Variants in PLCXD2 observed in about 807,000 individuals in gnomAD.
PLCXD2 encodes phosphatidylinositol specific phospholipase C X domain containing 2.
Under a neutral mutation model 28.6 loss-of-function variants are expected in PLCXD2, and 21 were observed. The observed-to-expected ratio is 0.73, with a 90% CI of 0.52 to 1.06. The LOEUF (loss-of-function observed/expected upper bound fraction) is 1.06. Among genes scored for constraint, PLCXD2 ranks in the 50% least tolerant of loss-of-function variants. The pLI, the probability that PLCXD2 is intolerant of heterozygous loss-of-function variation, is 0.00. For synonymous variants in PLCXD2, 140 were observed against 150.1 expected, an observed-to-expected ratio of 0.93 and a Z score of 0.49; for missense variants, 369 against 376.7, an observed-to-expected ratio of 0.98 and a Z score of 0.17.
intron 1 of PLCXD2, among the ~76,000 whole-genome samples, chr3:111,694,471 CTT>C (rs61244571): frequency 6.8e-5 from 10 of 146,364 alleles, no homozygotes; most frequent in Admixed American, 6.9e-5. Context: ...TTGAAGAGAG[CTT>C]TTTTTTTTTT....
Position 111,675,067 on chromosome 3 carries a change from G to A in PLCXD2, c.-179G>A, listed in dbSNP as rs1940598574. On this transcript the variant is annotated 5_prime_UTR_variant, in exon 1 of 5. Transcript: ENST00000477665. ...GAGCGGAGGCTGGGCCGGAGAGAGT[G>A]GGGACTGTGAGTGCTAGTGGGTAAG... 1.9e-5 allele frequency: 12 copies of A among 642,820 alleles called. No individual in the cohort carries two copies. The highest frequency in any genetic ancestry group is 2.4e-5 in the Non-Finnish European group (9 of 374,114). The allele number at this position is 642,820 out of a possible 1,614,324, so 39.8% of individuals were successfully genotyped here. A position where few individuals can be genotyped will look rare whatever the true frequency, so the allele number is the denominator to read the frequency against.
At chr3:111,683,820 G>A (rs994500318) in intron 1 of PLCXD2, among the ~76,000 whole-genome samples, 8 of 152,142 alleles carry the variant, frequency 5.3e-5, no homozygotes, top group South Asian at 2.1e-4. Flanking sequence ...CCTGGAGGAA[G>A]TTATGAATAA....
At chr3:111,713,414 G>A (rs1236529079) in intron 2 of PLCXD2, among the ~76,000 whole-genome samples, 3 of 152,092 alleles carry the variant, frequency 2.0e-5, no homozygotes, top group Non-Finnish European at 2.9e-5. Flanking sequence ...TTTGGTTATC[G>A]CAGATATCTG....
In PLCXD2 at chr3:111,712,576, C is replaced by T. The variant is rs544258801; in HGVS notation, c.625-1311C>T. 5.3e-5 allele frequency among the ~76,000 whole-genome samples: 8 copies of T among 152,314 alleles called. No individual in the cohort carries two copies. In the East Asian group the frequency reaches 1.5e-3, roughly 29 times the overall value. ...AACCATTAGAAACAACAAGAACAGC[C>T]GTTACCCAGTTCAGTGCAACCAGCC... On this transcript the variant is annotated intron_variant, in intron 2 of 4. Coordinates refer to ENST00000477665, the MANE Select transcript of PLCXD2 (RefSeq NM_001185106.1).
At chr3:111,688,004 T>G (rs1294779266) in intron 1 of PLCXD2, among the ~76,000 whole-genome samples, 1 of 152,126 alleles carries the variant, frequency 6.6e-6, no homozygotes, top group Non-Finnish European at 1.5e-5. Context: ...CTCTCTCTCT[T>G]TGTTATTCAC....
At chr3:111,714,166 A>T (rs1202678649) in intron 3 of PLCXD2, 38 bp downstream of exon 3, 3 of 1,597,556 alleles carry the variant, frequency 1.9e-6, no homozygotes, top group African/African-American at 1.3e-5. Flanking sequence ...AAAGCTTTTT[A>T]AAAAATATTT....
intron 1 of PLCXD2, among the ~76,000 whole-genome samples, chr3:111,683,244 G>A (rs977375664): frequency 2.0e-5 from 3 of 152,206 alleles, no homozygotes; most frequent in Non-Finnish European, 4.4e-5. Context: ...AGGTGTCCCA[G>A]TGCAGAGGGA....
chr3:111,684,872 C>G (rs1348800549), intron 1 of PLCXD2, among the ~76,000 whole-genome samples: 2 of 152,012 alleles, frequency 1.3e-5, no homozygotes, highest in Non-Finnish European at 2.9e-5. Context: ...AGGAGGGTGA[C>G]AGCATGGACA....
At position 111,693,660 on chromosome 3, in the gene PLCXD2, A is replaced by T. The variant is rs529942675; in HGVS notation, c.164-14266A>T. 9.5e-4 allele frequency among the ~76,000 whole-genome samples: 145 copies of T among 152,302 alleles called. 1 individual carries two copies. The Middle Eastern group carries it at 0.02, about 21-fold the overall frequency. On this transcript the variant is annotated intron_variant, in intron 1 of 4. Coordinates refer to ENST00000477665, the MANE Select transcript of PLCXD2 (RefSeq NM_001185106.1). ...CTCCTTCGAATGCCCCCAGATCGAT[A>T]TATCTTGCTTCTCGATGTTTATGTT...
chr3:111,712,370 C>T (rs571228865), intron 2 of PLCXD2, among the ~76,000 whole-genome samples: 2 of 152,182 alleles, frequency 1.3e-5, no homozygotes, highest in East Asian at 1.9e-4. Flanking sequence ...ACCTCTCCCA[C>T]GGTCCACTGC....
intron 2 of PLCXD2, among the ~76,000 whole-genome samples, chr3:111,712,134 C>T (rs1022897919): frequency 5.3e-5 from 8 of 152,114 alleles, no homozygotes; most frequent in African/African-American, 1.7e-4. Context: ...TTTGCAAGGC[C>T]GGCCTCCCCC....
chr3:111,710,377 T>C (rs1260767055), intron 2 of PLCXD2, among the ~76,000 whole-genome samples: 1 of 152,254 alleles, frequency 6.6e-6, no homozygotes, highest in Non-Finnish European at 1.5e-5. Context: ...AACTAATGTT[T>C]ATTGAACCTT....
At chr3:111,710,464 A>G (rs1941185169) in intron 2 of PLCXD2, among the ~76,000 whole-genome samples, 1 of 152,140 alleles carries the variant, frequency 6.6e-6, no homozygotes, top group Non-Finnish European at 1.5e-5. Context: ...TGTTATTGTC[A>G]CCATTTTACA....
At chr3:111,676,323 A>G (rs1231984144) in intron 1 of PLCXD2, among the ~76,000 whole-genome samples, 1 of 152,190 alleles carries the variant, frequency 6.6e-6, no homozygotes, top group African/African-American at 2.4e-5. Flanking sequence ...GTTCACCCAC[A>G]GACTACCAGA....
At chr3:111,720,369 A>C (rs1221934726) in intron 3 of PLCXD2, among the ~76,000 whole-genome samples, 1 of 152,082 alleles carries the variant, frequency 6.6e-6, no homozygotes, top group Non-Finnish European at 1.5e-5. Context: ...TCCTGGATTC[A>C]AGTGATCCAC....
At chr3:111,678,316 A>G (rs1940655310) in intron 1 of PLCXD2, among the ~76,000 whole-genome samples, 2 of 152,230 alleles carry the variant, frequency 1.3e-5, no homozygotes, top group African/African-American at 4.8e-5. Context: ...TCTCATTGCT[A>G]ACTGTATAGA....
chr3:111,713,418 A>G (rs927936067), intron 2 of PLCXD2, among the ~76,000 whole-genome samples: 2 of 152,238 alleles, frequency 1.3e-5, no homozygotes, highest in African/African-American at 4.8e-5. Flanking sequence ...GTTATCGCAG[A>G]TATCTGAGAT....
intron 3 of PLCXD2, 119 bp downstream of exon 3, chr3:111,714,247 A>C: frequency 7.6e-7 from 1 of 1,318,500 alleles, no homozygotes; most frequent in Non-Finnish European, 1.0e-6. Flanking sequence ...CAACAAAACA[A>C]GCAAAAAACT....
intron 1 of PLCXD2, among the ~76,000 whole-genome samples, chr3:111,695,026 G>A (rs1940941754): frequency 6.6e-6 from 1 of 152,064 alleles, no homozygotes. Flanking sequence ...GAGTGGGAAT[G>A]TTTTGACTGC....
Sources: gnomAD v4.1 joint callset for allele counts (sites outside exome capture counted in the v4.1 genomes callset) on GRCh38, gnomAD v4.1.1 for gene constraint, MANE v1.5 for transcripts, NCBI Gene and HGNC (gene_info 2026-07-23, HGNC 2026-07-21) for gene names.